CHRDL2: variants seen among roughly 807,000 people sequenced by gnomAD.
CHRDL2 encodes chordin like 2.
CHRDL2 carries 41 observed loss-of-function variants against 54.3 expected under a neutral mutation model. That is an observed-to-expected ratio of 0.76 (90% CI 0.59 to 0.98). The LOEUF is 0.98. Among genes scored for constraint, CHRDL2 ranks in the 50% least tolerant of loss-of-function variants. CHRDL2 has a pLI of 0.00. For missense variants in CHRDL2, 518 were observed against 562.4 expected (o/e 0.92, Z 0.80); for synonymous variants, 220 against 224.3 (o/e 0.98, Z 0.17).
chr11:74,709,732 G>A (rs1459851684), intron 4 of CHRDL2, among the ~76,000 whole-genome samples: 1 of 152,182 alleles, frequency 6.6e-6, no homozygotes, highest in Non-Finnish European at 1.5e-5. Context: ...ACAGGGAACT[G>A]GGACAGTGCT....
intron 9 of CHRDL2, chr11:74,698,676 TAC>T (rs56835377): frequency 0.26 from 35,681 of 135,876 alleles, 5,096 homozygotes; most frequent in African/African-American, 0.39. Context: ...GATGAACAAA[TAC>T]ACACACACAC....
intron 2 of CHRDL2, among the ~76,000 whole-genome samples, chr11:74,715,003 C>G (rs1166176219): frequency 6.6e-6 from 1 of 152,166 alleles, no homozygotes; most frequent in Non-Finnish European, 1.5e-5. Context: ...AATCATCCCA[C>G]TTCGTCTTCT....
Position 74,718,745 on chromosome 11 carries a change from T to C in CHRDL2, c.170A>G (p.Tyr57Cys). The change falls in exon 2 of 11, where the codon TAC becomes TGC. Residue 57 changes from tyrosine to cysteine, a missense_variant. Coordinates refer to ENST00000376332, the MANE Select transcript of CHRDL2 (RefSeq NM_001278473.3). ...CTCTGAGCAGGTACAGCGCAGGCAG[T>C]ACATCAGGCCTTGTGGCTCCAAGTA... ...HPYLEPQGLM[Y>C]CLRCTCSEGA... The C allele has an allele frequency of 1.9e-6, 3 of 1,613,370 alleles. No homozygotes were observed. The highest frequency in any genetic ancestry group is 2.5e-6 in the Non-Finnish European group (3 of 1,179,558).
chr11:74,699,841 G>A (rs2033741949), intron 9 of CHRDL2, among the ~76,000 whole-genome samples: 2 of 152,226 alleles, frequency 1.3e-5, no homozygotes, highest in African/African-American at 4.8e-5. Flanking sequence ...CCACGGTCTG[G>A]GACAGGGAGG....
intron 1 of CHRDL2, among the ~76,000 whole-genome samples, chr11:74,727,769 G>A (rs1288578808): frequency 6.6e-6 from 1 of 152,006 alleles, no homozygotes; most frequent in Admixed American, 6.6e-5. Flanking sequence ...GGAAGAGAAA[G>A]CAGAGCATAC....
chr11:74,724,352 A>G (rs532298347), intron 1 of CHRDL2, among the ~76,000 whole-genome samples: 2 of 152,244 alleles, frequency 1.3e-5, no homozygotes, highest in Non-Finnish European at 2.9e-5. Context: ...GCCACAGCCA[A>G]ATCTCTTTAC....
intron 1 of CHRDL2, among the ~76,000 whole-genome samples, chr11:74,721,651 C>T (rs2034502065): frequency 6.6e-6 from 1 of 152,252 alleles, no homozygotes; most frequent in East Asian, 1.9e-4. Context: ...GGCGACAGGC[C>T]GCCTCAGTTC....
At chr11:74,698,721 A>ACACACACACC (rs1491382541) in intron 9 of CHRDL2, 3 of 81,858 alleles carry the variant, frequency 3.7e-5, no homozygotes, top group East Asian at 4.9e-4. Flanking sequence ...ACACACACAC[A>ACACACACACC]CCCCACATAC....
At chr11:74,714,179 G>T (rs773677018) in intron 2 of CHRDL2, among the ~76,000 whole-genome samples, 1 of 151,670 alleles carries the variant, frequency 6.6e-6, no homozygotes, top group Non-Finnish European at 1.5e-5. Flanking sequence ...CAGCCTTCCC[G>T]CACCTTGTTC....
chr11:74,697,241 CCT>C lies in CHRDL2; in HGVS notation c.1175_1176del (p.Glu392GlyfsTer42), dbSNP rs751490615. ...CCAGCGAGCAGTCGGAAGTGCTGTG[CCT>C]CTTTCTGGAAGTCTTGCTTCCTGAC... ...KKVRKQDFQK[E>X]AQHFRLLAGP... is the part of the protein sequence containing the mutation. On this transcript the variant is annotated frameshift_variant, in exon 10 of 11. Coordinates refer to ENST00000376332, the MANE Select transcript of CHRDL2 (RefSeq NM_001278473.3). LOFTEE classifies it high-confidence loss of function. The C allele has an allele frequency of 3.1e-6, 5 of 1,613,894 alleles. No homozygotes were observed. Among genetic ancestry groups the C allele is most frequent in the Non-Finnish European group, 3.4e-6 (4 of 1,180,006 alleles).
chr11:74,696,438 T>G lies in CHRDL2; in HGVS notation c.*71A>C. ...ACCCAGAAGGCAGGGCTGAGGGTAA[T>G]GCAACTTCTTATTTATTAATATATA... On this transcript the variant is annotated 3_prime_UTR_variant, in exon 11 of 11. Coordinates refer to ENST00000376332, the MANE Select transcript of CHRDL2 (RefSeq NM_001278473.3). The G allele has an allele frequency of 7.9e-7, 1 of 1,270,210 alleles. No individual in the cohort carries two copies. The highest frequency in any genetic ancestry group is 1.1e-6 in the Non-Finnish European group (1 of 883,580). The allele number at this position is 1,270,210 out of a possible 1,614,324, so 78.7% of individuals were successfully genotyped here.
At chr11:74,707,639 TCTCTCA>T (rs2034054298) in intron 5 of CHRDL2, among the ~76,000 whole-genome samples, 1 of 151,976 alleles carries the variant, frequency 6.6e-6, no homozygotes, top group Admixed American at 6.6e-5. Context: ...CACTTATGGT[TCTCTCA>T]GCTCATCTGC....
At chr11:74,699,748 C>G (rs998321231) in intron 9 of CHRDL2, 1 of 152,314 alleles carries the variant, frequency 6.6e-6, no homozygotes, top group Non-Finnish European at 1.5e-5. Flanking sequence ...TCTGCCTGCT[C>G]ACTTTGTTTC....
intron 9 of CHRDL2, chr11:74,697,604 G>A (rs1004197497): frequency 1.8e-5 from 9 of 492,396 alleles, no homozygotes; most frequent in Middle Eastern, 3.0e-4. Context: ...ACGTCACCCT[G>A]TCATTCCCCT....
rs144153946 is a variant in CHRDL2, at chr11:74,700,461, C to G, written c.1120+2333G>C. 6.9e-4 allele frequency among the ~76,000 whole-genome samples: 105 copies of G among 152,170 alleles called. 1 individual carries two copies. Among genetic ancestry groups the G allele is most frequent in the African/African-American group, 2.4e-3 (100 of 41,520 alleles). On this transcript the variant is annotated intron_variant, in intron 9 of 10. Coordinates refer to ENST00000376332, the MANE Select transcript of CHRDL2 (RefSeq NM_001278473.3). ...GAAGCCTTCCCTGACCAGCTCAGCT[C>G]CCAATAAGCTCCACTGCACCCAGGT...
chr11:74,718,984 CA>C (rs1565157504), intron 1 of CHRDL2, 152 bp from the exon 2 acceptor site: 2 of 603,262 alleles, frequency 3.3e-6, no homozygotes, highest in African/African-American at 3.7e-5. Context: ...CTCTCCTAGG[CA>C]AGGGGCCAGA....
At chr11:74,728,290 A>G (rs960008436) in intron 1 of CHRDL2, among the ~76,000 whole-genome samples, 7 of 152,186 alleles carry the variant, frequency 4.6e-5, no homozygotes, top group African/African-American at 1.7e-4. Flanking sequence ...TTCTGAAAGC[A>G]CCTAAGATAT....
At chr11:74,718,350 G>T (rs1351837687) in intron 2 of CHRDL2, among the ~76,000 whole-genome samples, 1 of 152,214 alleles carries the variant, frequency 6.6e-6, no homozygotes, top group East Asian at 1.9e-4. Context: ...GGGCCAAAGT[G>T]GCTGGAGGAA....
In CHRDL2 at chr11:74,731,155, G is replaced by A; in HGVS notation, c.-267C>T. The A allele has an allele frequency of 4.3e-6, 2 of 469,526 alleles. No individual in the cohort carries two copies. The highest frequency in any genetic ancestry group is 2.9e-5 in the South Asian group (1 of 34,302). 29.1% of individuals were successfully genotyped at this position (469,526 alleles called of 1,614,324 possible). A position where few individuals can be genotyped will look rare whatever the true frequency, so the allele number is the denominator to read the frequency against. ...AGACGAAGGAAGGTCCAGCAGAAGGGAGAGGCGATCAAAGAAAGGGGGAAG... is the reference window on the plus strand; with the variant it reads ...AGACGAAGGAAGGTCCAGCAGAAGGAAGAGGCGATCAAAGAAAGGGGGAAG... On this transcript the variant is annotated 5_prime_UTR_variant, in exon 1 of 11. Coordinates refer to ENST00000376332, the MANE Select transcript of CHRDL2 (RefSeq NM_001278473.3). This position sits in a 1 kb window ranked among gnomAD's most constrained non-coding sequence, Gnocchi z 4.4.
Sources: gnomAD v4.1 joint callset for allele counts (sites outside exome capture counted in the v4.1 genomes callset) on GRCh38, gnomAD v4.1.1 for gene constraint, Gnocchi (gnomAD v3.1) non-coding constraint, MANE v1.5 for transcripts, NCBI Gene and HGNC (gene_info 2026-07-23, HGNC 2026-07-21) for gene names.